Variants in NRG3 observed in about 807,000 individuals in gnomAD.
The protein encoded by NRG3 is neuregulin 3.
Under a neutral mutation model 66.9 loss-of-function variants are expected in NRG3, and 31 were observed. That is an observed-to-expected ratio of 0.46 (90% CI 0.35 to 0.63). The LOEUF is 0.63. Ranked by LOEUF, NRG3 falls within the 20% of genes least tolerant of loss-of-function variation. The pLI is 0.00. For synonymous variants in NRG3, 393 were observed against 359.4 expected, an observed-to-expected ratio of 1.09 and a Z score of -1.06; for missense variants, 910 against 878.9, an observed-to-expected ratio of 1.04 and a Z score of -0.45.
At chr10:82,523,900 G>A (rs1846439987) in intron 2 of NRG3, among the ~76,000 whole-genome samples, 1 of 152,146 alleles carries the variant, frequency 6.6e-6, no homozygotes, top group East Asian at 1.9e-4. Flanking sequence ...GTTCTCATTA[G>A]TCATCCGATT....
At chr10:82,307,224 A>G (rs2080790951) in intron 1 of NRG3, among the ~76,000 whole-genome samples, 1 of 152,292 alleles carries the variant, frequency 6.6e-6, no homozygotes, top group East Asian at 1.9e-4. Flanking sequence ...ACATATCTAT[A>G]TATGTCAATA....
intron 1 of NRG3, among the ~76,000 whole-genome samples, chr10:82,327,583 A>G (rs190581019): frequency 1.9e-3 from 284 of 152,242 alleles, no homozygotes; most frequent in African/African-American, 6.5e-3. Context: ...GGACCCTCAT[A>G]TCCCCCATCT....
At chr10:82,435,761 G>T (rs762202429) in intron 2 of NRG3, among the ~76,000 whole-genome samples, 5 of 146,774 alleles carry the variant, frequency 3.4e-5, no homozygotes, top group Non-Finnish European at 7.5e-5. Context: ...GTGGTTTTGA[G>T]TGAGTTTCTT....
intron 2 of NRG3, among the ~76,000 whole-genome samples, chr10:82,568,538 C>A (rs948123044): frequency 6.6e-6 from 1 of 151,788 alleles, no homozygotes; most frequent in Non-Finnish European, 1.5e-5. Flanking sequence ...TTTACTTCTG[C>A]ACATATTCCA....
At chr10:81,892,423 T>C (rs1211586838) in intron 1 of NRG3, among the ~76,000 whole-genome samples, 5 of 152,100 alleles carry the variant, frequency 3.3e-5, no homozygotes, top group East Asian at 1.9e-4. Flanking sequence ...AGATATGATA[T>C]CTCACCCCCT....
chr10:82,625,294 TAGAAA>T (rs202127109), intron 2 of NRG3, among the ~76,000 whole-genome samples: 2,528 of 151,604 alleles, frequency 0.017, 33 homozygotes, highest in Non-Finnish European at 0.024. Context: ...TGCTTTTAGT[TAGAAA>T]AGAAAAAAAA....
At chr10:81,896,037 G>A (rs777694498) in intron 1 of NRG3, among the ~76,000 whole-genome samples, 2 of 152,054 alleles carry the variant, frequency 1.3e-5, no homozygotes, top group East Asian at 1.9e-4. Context: ...AATATTGTAC[G>A]TAGGAACTGG....
intron 2 of NRG3, among the ~76,000 whole-genome samples, chr10:82,361,551 C>A (rs1681919943): frequency 6.6e-6 from 1 of 152,178 alleles, no homozygotes; most frequent in Non-Finnish European, 1.5e-5. Context: ...TAGTATGTTT[C>A]AGTCATACTC....
chr10:82,154,171 C>G (rs1460112607), intron 1 of NRG3, among the ~76,000 whole-genome samples: 1 of 151,952 alleles, frequency 6.6e-6, no homozygotes, highest in African/African-American at 2.4e-5. Flanking sequence ...GAAGCTTTTT[C>G]TCTACATTTT....
At chr10:82,795,592 A>T (rs763901518) in intron 3 of NRG3, among the ~76,000 whole-genome samples, 1 of 152,198 alleles carries the variant, frequency 6.6e-6, no homozygotes, top group East Asian at 1.9e-4. Context: ...GGCAGCCTTC[A>T]TTCTACAAAA....
intron 1 of NRG3, among the ~76,000 whole-genome samples, chr10:82,000,360 C>CT (rs139635059): frequency 0.013 from 2,003 of 149,120 alleles, 49 homozygotes; most frequent in African/African-American, 0.045. Flanking sequence ...TATACAGCTG[C>CT]TTTTTTTTTT....
chr10:82,502,603 C>G (rs1477028941), intron 2 of NRG3, among the ~76,000 whole-genome samples: 1 of 152,148 alleles, frequency 6.6e-6, no homozygotes, highest in Non-Finnish European at 1.5e-5. Flanking sequence ...GAACCGAAGT[C>G]AGGAAATATA....
intron 2 of NRG3, among the ~76,000 whole-genome samples, chr10:82,643,837 C>T (rs377375900): frequency 2.6e-5 from 4 of 151,294 alleles, no homozygotes; most frequent in East Asian, 3.9e-4. Flanking sequence ...TCAGCTCCTC[C>T]GTTTCTTTTG....
intron 1 of NRG3, among the ~76,000 whole-genome samples, chr10:82,332,226 T>G (rs2082171175): frequency 6.6e-6 from 1 of 152,200 alleles, no homozygotes; most frequent in Non-Finnish European, 1.5e-5. Context: ...TTAATCAGTT[T>G]TCACAGTTCA....
At chr10:81,877,227 C>T (rs1024619486) in intron 1 of NRG3, among the ~76,000 whole-genome samples, 3 of 152,106 alleles carry the variant, frequency 2.0e-5, no homozygotes, top group African/African-American at 7.2e-5. Context: ...GACCTCCCAC[C>T]CCAACCCCCA....
intron 4 of NRG3, among the ~76,000 whole-genome samples, chr10:82,912,525 T>C (rs1845418765): frequency 6.6e-6 from 1 of 152,174 alleles, no homozygotes; most frequent in South Asian, 2.1e-4. Flanking sequence ...ACTCCACCAT[T>C]TATGGCACCC....
chr10:82,327,060 G>A (rs546717365), intron 1 of NRG3, among the ~76,000 whole-genome samples: 1 of 152,306 alleles, frequency 6.6e-6, no homozygotes, highest in East Asian at 1.9e-4. Flanking sequence ...TATGTGATCA[G>A]TTCATTGGAA....
intron 3 of NRG3, among the ~76,000 whole-genome samples, chr10:82,747,926 TC>T (rs2134889496): frequency 6.6e-6 from 1 of 151,968 alleles, no homozygotes; most frequent in African/African-American, 2.4e-5. Context: ...TTATTATATT[TC>T]TATCTGAAAT....
At chr10:82,138,913 G>C (rs1431853073) in intron 1 of NRG3, among the ~76,000 whole-genome samples, 2 of 151,996 alleles carry the variant, frequency 1.3e-5, no homozygotes, top group Non-Finnish European at 2.9e-5. Flanking sequence ...ATTAGATTGT[G>C]CTCACCCAGC....
Sources: gnomAD v4.1 joint callset for allele counts (sites outside exome capture counted in the v4.1 genomes callset) on GRCh38, gnomAD v4.1.1 for gene constraint, MANE v1.5 for transcripts, NCBI Gene and HGNC (gene_info 2026-07-23, HGNC 2026-07-21) for gene names.